GNAQ: variants seen among roughly 807,000 people sequenced by gnomAD.
The protein encoded by GNAQ is guanine nucleotide-binding protein G(q) subunit alpha.
In GNAQ, 8 loss-of-function variants were observed where a neutral mutation model predicts 43.9. That is an observed-to-expected ratio of 0.18 (90% CI 0.11 to 0.33). The LOEUF (loss-of-function observed/expected upper bound fraction) is 0.33, where lower values mean the gene tolerates loss of function less well. Ranked by LOEUF, GNAQ falls within the 10% of genes least tolerant of loss-of-function variation. GNAQ has a pLI of 1.00. For missense variants in GNAQ, 158 were observed against 450.8 expected (o/e 0.35, Z 5.88); for synonymous variants, 155 against 170.7 (o/e 0.91, Z 0.71).
chr9:77,993,238 A>AT, intron 1 of GNAQ, among the ~76,000 whole-genome samples: 1 of 152,266 alleles, frequency 6.6e-6, no homozygotes, highest in Non-Finnish European at 1.5e-5. Context: ...TTGGTATTCA[A>AT]TTTTTTAATT....
chr9:77,817,292 T>C (rs1827034336), intron 2 of GNAQ, among the ~76,000 whole-genome samples: 1 of 152,176 alleles, frequency 6.6e-6, no homozygotes, highest in Admixed American at 6.5e-5. Context: ...TCTCTAATCA[T>C]GGTTTAAGTT....
intron 2 of GNAQ, among the ~76,000 whole-genome samples, chr9:77,911,526 T>C (rs993553104): frequency 6.6e-6 from 1 of 152,160 alleles, no homozygotes; most frequent in Non-Finnish European, 1.5e-5. Flanking sequence ...TCAGCTTTCA[T>C]TACCTTCTGA....
chr9:77,738,229 T>C (rs1825601986), intron 5 of GNAQ, among the ~76,000 whole-genome samples: 1 of 152,104 alleles, frequency 6.6e-6, no homozygotes, highest in African/African-American at 2.4e-5. Context: ...CCTGCAAGAG[T>C]GCTTTCCAAT....
chr9:78,004,535 C>T (rs1357606944), intron 1 of GNAQ, among the ~76,000 whole-genome samples: 1 of 152,076 alleles, frequency 6.6e-6, no homozygotes, highest in African/African-American at 2.4e-5. Flanking sequence ...ACATCATCTC[C>T]CAGAGCTTCT....
chr9:77,870,903 T>C (rs1253167617), intron 2 of GNAQ, among the ~76,000 whole-genome samples: 2 of 152,082 alleles, frequency 1.3e-5, no homozygotes, highest in African/African-American at 4.8e-5. Flanking sequence ...TCCTATGGAA[T>C]TTGACATCAG....
At chr9:77,787,410 T>C (rs1826498183) in intron 5 of GNAQ, among the ~76,000 whole-genome samples, 2 of 152,194 alleles carry the variant, frequency 1.3e-5, no homozygotes, top group Non-Finnish European at 2.9e-5. Context: ...CTGCTGTATA[T>C]TTTTTGTGTA....
chr9:77,905,435 G>A (rs1183951629), intron 2 of GNAQ, among the ~76,000 whole-genome samples: 1 of 152,068 alleles, frequency 6.6e-6, no homozygotes, highest in Admixed American at 6.6e-5. Context: ...AGCCCCCCAG[G>A]TGATTCCAAA....
intron 1 of GNAQ, among the ~76,000 whole-genome samples, chr9:77,929,231 G>T (rs1367323873): frequency 6.6e-6 from 1 of 152,090 alleles, no homozygotes; most frequent in Non-Finnish European, 1.5e-5. Context: ...GCCTCTGGAT[G>T]TATTTTGGAG....
chr9:77,855,125 A>G (rs2117948388), intron 2 of GNAQ, among the ~76,000 whole-genome samples: 1 of 152,320 alleles, frequency 6.6e-6, no homozygotes, highest in Non-Finnish European at 1.5e-5. Context: ...ACTACCTTGC[A>G]TCACAAGAAT....
Position 77,716,579 on chromosome 9 carries a change from C to T in GNAQ, c.*4744G>A, listed in dbSNP as rs1384467080. 8.6e-6 allele frequency: 2 copies of T among 232,764 alleles called. No homozygotes were observed. The highest frequency in any genetic ancestry group is 4.4e-5 in the African/African-American group (2 of 45,314). 14.4% of individuals were successfully genotyped at this position (232,764 alleles called of 1,614,324 possible). A position where few individuals can be genotyped will look rare whatever the true frequency, so the allele number is the denominator to read the frequency against. On this transcript the variant is annotated 3_prime_UTR_variant, in exon 7 of 7. Coordinates refer to ENST00000286548, the MANE Select transcript of GNAQ (RefSeq NM_002072.5). ...AAATCCACCAAAAACGTGTTTCAGT[C>T]AAAGTAACCTGGACAAAGTTACGTA... is the stretch of plus-strand genomic sequence containing the variant.
At chr9:77,827,551 C>T (rs1827218656) in intron 2 of GNAQ, among the ~76,000 whole-genome samples, 1 of 151,964 alleles carries the variant, frequency 6.6e-6, no homozygotes, top group South Asian at 2.1e-4. Context: ...TGAGCTACAG[C>T]CAGTGTCTGA....
At chr9:77,821,005 A>G (rs560973840) in intron 2 of GNAQ, among the ~76,000 whole-genome samples, 1 of 152,346 alleles carries the variant, frequency 6.6e-6, no homozygotes, top group African/African-American at 2.4e-5. Flanking sequence ...CTCATGTGTT[A>G]GACAATACAC....
chr9:77,801,784 A>G (rs1420793425), intron 3 of GNAQ, among the ~76,000 whole-genome samples: 1 of 152,192 alleles, frequency 6.6e-6, no homozygotes, highest in Non-Finnish European at 1.5e-5. Flanking sequence ...CAAAAGACAT[A>G]CAAACTATTT....
intron 1 of GNAQ, among the ~76,000 whole-genome samples, chr9:77,939,650 C>T (rs1564157862): frequency 6.6e-6 from 1 of 152,102 alleles, no homozygotes; most frequent in Admixed American, 6.5e-5. Flanking sequence ...ATAGCCATAA[C>T]AGATAATCAA....
chr9:77,736,090 G>C (rs1380002807), intron 5 of GNAQ, among the ~76,000 whole-genome samples: 1 of 152,118 alleles, frequency 6.6e-6, no homozygotes, highest in Non-Finnish European at 1.5e-5. Context: ...TCCGTTCCCT[G>C]GAACTGCACC....
At chr9:78,016,013 C>T (rs939915879) in intron 1 of GNAQ, among the ~76,000 whole-genome samples, 3 of 151,832 alleles carry the variant, frequency 2.0e-5, no homozygotes, top group Non-Finnish European at 2.9e-5. Context: ...GAAAAGAATA[C>T]GTTTTTTTCA....
At chr9:77,923,265 C>T (rs754522909) in intron 1 of GNAQ, among the ~76,000 whole-genome samples, 3 of 152,150 alleles carry the variant, frequency 2.0e-5, no homozygotes, top group East Asian at 3.8e-4. Flanking sequence ...CAAGGAATCA[C>T]GTAATTCAGG....
intron 2 of GNAQ, among the ~76,000 whole-genome samples, chr9:77,912,491 G>A (rs1009351055): frequency 1.3e-5 from 2 of 152,018 alleles, no homozygotes; most frequent in Admixed American, 6.6e-5. Flanking sequence ...CCTTAAGTAG[G>A]CAAAGATTAC....
chr9:77,994,840 C>G (rs193258476), intron 1 of GNAQ, among the ~76,000 whole-genome samples: 45 of 152,252 alleles, frequency 3.0e-4, no homozygotes, highest in African/African-American at 1.1e-3. Flanking sequence ...CTTTTTTGTT[C>G]TAGGCCTAAA....
Sources: gnomAD v4.1 joint callset for allele counts (sites outside exome capture counted in the v4.1 genomes callset) on GRCh38, gnomAD v4.1.1 for gene constraint, MANE v1.5 for transcripts, NCBI Gene and HGNC (gene_info 2026-07-23, HGNC 2026-07-21) for gene names.